The following NPNT variants were observed in gnomAD, a reference collection of about 807,000 sequenced individuals.
The protein encoded by NPNT is preosteoblast EGF-like repeat protein with MAM domain.
Under a neutral mutation model 68.6 loss-of-function variants are expected in NPNT, and 45 were observed. That is an observed-to-expected ratio of 0.66 (90% confidence interval 0.52 to 0.84). The LOEUF is 0.84. Ranked by LOEUF, NPNT falls within the 40% of genes least tolerant of loss-of-function variation. The pLI, the probability that NPNT is intolerant of heterozygous loss-of-function variation, is 0.00. For synonymous variants in NPNT, 233 were observed against 253.3 expected (o/e 0.92, Z 0.76); for missense variants, 672 against 714.8 (o/e 0.94, Z 0.68).
chr4:105,932,757 CA>C lies in NPNT; in HGVS notation c.266-4251del, dbSNP rs977349874. On this transcript the variant is annotated intron_variant, in intron 3 of 11. Coordinates refer to ENST00000379987, the MANE Select transcript of NPNT (RefSeq NM_001033047.3). ...CTCTTCCCACCTGCATGGCTTCCTG[CA>C]GTTATGTCACTTCTTGCAAATGTTC... 1.3e-5 allele frequency: 15 copies of C among 1,182,458 alleles called. No individual in the cohort carries two copies. The African/African-American group carries it at 2.3e-4, about 18-fold the overall frequency. 73.2% of individuals were successfully genotyped at this position (1,182,458 alleles called of 1,614,324 possible).
chr4:105,927,770 G>C (rs1728806413), intron 3 of NPNT, among the ~76,000 whole-genome samples: 1 of 152,046 alleles, frequency 6.6e-6, no homozygotes, highest in African/African-American at 2.4e-5. Flanking sequence ...TCAGACCCCA[G>C]GTACTGCTTC....
In NPNT at chr4:105,895,586, CG is replaced by C; in HGVS notation, c.-65del. The C allele has an allele frequency of 7.6e-7, 1 of 1,316,236 alleles. No homozygotes were observed. The highest frequency in any genetic ancestry group is 1.3e-5 in the South Asian group (1 of 77,592). 81.5% of individuals were successfully genotyped at this position (1,316,236 alleles called of 1,614,324 possible). ...AGACTCTCAGAGGGGCGCCTCCCAT[CG>C]GCGCCCACCACCCCAACCTGTTCCT... On this transcript the variant is annotated 5_prime_UTR_variant, in exon 1 of 12. Transcript: ENST00000379987.
chr4:105,918,884 C>T (rs1431954499), intron 2 of NPNT, among the ~76,000 whole-genome samples: 1 of 152,044 alleles, frequency 6.6e-6, no homozygotes, highest in Admixed American at 6.6e-5. Context: ...CTCCAATAAA[C>T]CTATGAGTAA....
rs796185620 is a variant in NPNT, at chr4:105,968,999, G to C, written c.*9G>C. On this transcript the variant is annotated 3_prime_UTR_variant, in exon 12 of 12. Coordinates refer to ENST00000379987, the MANE Select transcript of NPNT (RefSeq NM_001033047.3). ...GCTCTGAAGAACGCTAACAACTCCA[G>C]AACTAACAATGAACTCCTATGTTGC... 2.0e-6 allele frequency: 3 copies of C among 1,536,732 alleles called. No individual in the cohort carries two copies. In the Admixed American group the frequency reaches 5.0e-5, roughly 26 times the overall value.
intron 2 of NPNT, among the ~76,000 whole-genome samples, chr4:105,906,186 G>A (rs1726877620): frequency 6.6e-6 from 1 of 152,194 alleles, no homozygotes; most frequent in Admixed American, 6.5e-5. Flanking sequence ...GTAGCCAAAG[G>A]TAAAAGATGT....
Position 105,970,320 on chromosome 4 carries a change from T to G in NPNT, c.*1330T>G, listed in dbSNP as rs1732477532. The G allele has an allele frequency of 6.2e-6, 4 of 648,676 alleles. No homozygotes were observed. Among genetic ancestry groups the G allele is most frequent in the Non-Finnish European group, 1.1e-5 (4 of 362,614 alleles). 40.2% of individuals were successfully genotyped at this position (648,676 alleles called of 1,614,324 possible). A position where few individuals can be genotyped will look rare whatever the true frequency, so the allele number is the denominator to read the frequency against. On this transcript the variant is annotated 3_prime_UTR_variant, in exon 12 of 12. Coordinates refer to ENST00000379987, the MANE Select transcript of NPNT (RefSeq NM_001033047.3). ...AAAACAATGTAACTTTTAAAAGGCA[T>G]CATTCCTGAGGTTTGTCTTAATTTC...
At chr4:105,953,967 G>C (rs868339511) in intron 8 of NPNT, among the ~76,000 whole-genome samples, 6 of 152,142 alleles carry the variant, frequency 3.9e-5, no homozygotes, top group African/African-American at 1.4e-4. Flanking sequence ...AGTGGGAGGT[G>C]TATATGATAA....
intron 8 of NPNT, among the ~76,000 whole-genome samples, chr4:105,943,247 C>T (rs1730130226): frequency 6.6e-6 from 1 of 152,202 alleles, no homozygotes; most frequent in Non-Finnish European, 1.5e-5. Flanking sequence ...GATACCTCGT[C>T]AGTCTTTGGG....
chr4:105,970,077 G>A lies in NPNT; in HGVS notation c.*1087G>A. 8.0e-6 allele frequency: 2 copies of A among 248,872 alleles called. No individual in the cohort carries two copies. Among genetic ancestry groups the A allele is most frequent in the Non-Finnish European group, 1.5e-5 (2 of 129,090 alleles). The allele number at this position is 248,872 out of a possible 1,614,324, so 15.4% of individuals were successfully genotyped here. On this transcript the variant is annotated 3_prime_UTR_variant, in exon 12 of 12. Transcript: ENST00000379987. Reference sequence around the variant, plus strand: ...CCATTGGAACAGATTTTCACACAACGTTTTAAATTGATATAAGTTTAGGCA... The same window carrying A: ...CCATTGGAACAGATTTTCACACAACATTTTAAATTGATATAAGTTTAGGCA...
At position 105,942,403 on chromosome 4, in the gene NPNT, T is replaced by G; in HGVS notation, c.860T>G (p.Ile287Ser). 6.2e-7 allele frequency: 1 copy of G among 1,613,872 alleles called. No homozygotes were observed. The highest frequency in any genetic ancestry group is 8.5e-7 in the Non-Finnish European group (1 of 1,179,880). ...LKGDTGNNNWIPDVGSTWWPP... is the reference protein window; with the variant it reads ...LKGDTGNNNWSPDVGSTWWPP... Reference sequence around the variant, plus strand: ...GGTGACACAGGAAATAATAATTGGATTCCTGATGTTGGAAGTACTTGGTGG... The same window carrying G: ...GGTGACACAGGAAATAATAATTGGAGTCCTGATGTTGGAAGTACTTGGTGG... Residue 287 changes from isoleucine to serine, a missense_variant, in exon 8 of 12, where the codon ATT (isoleucine) becomes AGT (serine). Coordinates refer to ENST00000379987, the MANE Select transcript of NPNT (RefSeq NM_001033047.3).
intron 3 of NPNT, chr4:105,932,535 A>G: frequency 2.3e-6 from 2 of 858,702 alleles, no homozygotes; most frequent in Middle Eastern, 4.4e-4. Context: ...ATTGTTTAAT[A>G]TATACTTGCA....
At chr4:105,901,925 A>T (rs959801824) in intron 2 of NPNT, among the ~76,000 whole-genome samples, 1 of 152,232 alleles carries the variant, frequency 6.6e-6, no homozygotes, top group Non-Finnish European at 1.5e-5. Context: ...GATTGTGGAT[A>T]TTGGAAGTGA....
chr4:105,917,401 G>C (rs1397521586), intron 2 of NPNT, among the ~76,000 whole-genome samples: 1 of 152,152 alleles, frequency 6.6e-6, no homozygotes, highest in African/African-American at 2.4e-5. Context: ...TCCCTGCAGA[G>C]AAATGCCTTC....
At chr4:105,903,522 C>G (rs1355359045) in intron 2 of NPNT, among the ~76,000 whole-genome samples, 1 of 152,126 alleles carries the variant, frequency 6.6e-6, no homozygotes, top group East Asian at 1.9e-4. Context: ...ATTTTTCCAC[C>G]AATCTTTGGA....
chr4:105,946,667 G>A (rs1438010036), intron 8 of NPNT, among the ~76,000 whole-genome samples: 1 of 152,026 alleles, frequency 6.6e-6, no homozygotes, highest in African/African-American at 2.4e-5. Context: ...ACAGGGAGTG[G>A]GTCGCAAGAT....
chr4:105,910,889 G>A (rs1320442299), intron 2 of NPNT, among the ~76,000 whole-genome samples: 4 of 152,048 alleles, frequency 2.6e-5, no homozygotes, highest in Admixed American at 2.6e-4. Context: ...CAACTAGTTA[G>A]AACATAATGA....
At chr4:105,922,499 C>T (rs781741469) in intron 2 of NPNT, among the ~76,000 whole-genome samples, 1 of 151,692 alleles carries the variant, frequency 6.6e-6, no homozygotes, top group Non-Finnish European at 1.5e-5. Context: ...ATGATTCTGC[C>T]TCAGCCTCCC....
At chr4:105,934,556 C>T (rs1331506919) in intron 3 of NPNT, among the ~76,000 whole-genome samples, 1 of 152,214 alleles carries the variant, frequency 6.6e-6, no homozygotes, top group African/African-American at 2.4e-5. Flanking sequence ...ACAATGATGG[C>T]AGTCACTAGG....
At chr4:105,920,041 A>G (rs140802211) in intron 2 of NPNT, among the ~76,000 whole-genome samples, 4 of 152,160 alleles carry the variant, frequency 2.6e-5, no homozygotes, top group African/African-American at 9.6e-5. Context: ...ACATGTTAGT[A>G]GGCATTGTTC....
Sources: gnomAD v4.1 joint callset for allele counts (sites outside exome capture counted in the v4.1 genomes callset) on GRCh38, gnomAD v4.1.1 for gene constraint, MANE v1.5 for transcripts, NCBI Gene and HGNC (gene_info 2026-07-23, HGNC 2026-07-21) for gene names.